The following KLRG1 variants were observed in gnomAD, a reference collection of about 807,000 sequenced individuals.
The protein encoded by KLRG1 is killer cell lectin-like receptor subfamily G member 1.
In KLRG1, 16 loss-of-function variants were observed where a neutral mutation model predicts 21.8. The observed-to-expected ratio is 0.73, with a 90% confidence interval of 0.50 to 1.11. The LOEUF (loss-of-function observed/expected upper bound fraction) is 1.11, where lower values mean the gene tolerates loss of function less well. Ranked by LOEUF, KLRG1 falls within the 50% of genes most tolerant of loss-of-function variation. The pLI is 0.00. For missense variants in KLRG1, 173 were observed against 218.3 expected (o/e 0.79, Z 1.31); for synonymous variants, 69 against 75.9 (o/e 0.91, Z 0.47).
At chr12:9,152,249 A>G in the KLRG1 span, 18 of 1,612,538 alleles carry the variant, frequency 1.1e-5, no homozygotes, top group Admixed American at 1.7e-5. Context: ...AGGGGAATAA[A>G]ACCAGATACC....
the KLRG1 span, among the ~76,000 whole-genome samples, chr12:9,026,728 G>C: frequency 6.6e-6 from 1 of 151,436 alleles, no homozygotes; most frequent in Non-Finnish European, 1.5e-5. Flanking sequence ...CACTCTTTGA[G>C]GCACATGCCA....
the KLRG1 span, chr12:9,079,984 G>C: frequency 1.1e-6 from 1 of 926,940 alleles, no homozygotes; most frequent in East Asian, 2.8e-5. Context: ...AAGAAGAAGA[G>C]AAGAAAGAAG....
At chr12:9,047,000 A>G in the KLRG1 span, among the ~76,000 whole-genome samples, 1 of 152,184 alleles carries the variant, frequency 6.6e-6, no homozygotes, top group East Asian at 1.9e-4. Context: ...AACTACAGGC[A>G]CGTGCCACCA....
chr12:9,213,081 G>A, the KLRG1 span, among the ~76,000 whole-genome samples: 3 of 152,154 alleles, frequency 2.0e-5, no homozygotes. Context: ...CCTATGTTGT[G>A]TGGCTTCTTT....
At chr12:9,175,360 T>C in the KLRG1 span, among the ~76,000 whole-genome samples, 2 of 152,136 alleles carry the variant, frequency 1.3e-5, no homozygotes, top group Admixed American at 6.5e-5. Flanking sequence ...ATAAAGACCC[T>C]TGAAGAAAAT....
the KLRG1 span, among the ~76,000 whole-genome samples, chr12:9,187,150 C>G: frequency 6.9e-6 from 1 of 145,834 alleles, no homozygotes; most frequent in African/African-American, 2.5e-5. Flanking sequence ...CCTAACTAAA[C>G]AAAATCTACA....
At chr12:9,176,577 C>A in the KLRG1 span, among the ~76,000 whole-genome samples, 1 of 152,192 alleles carries the variant, frequency 6.6e-6, no homozygotes, top group Admixed American at 6.5e-5. Context: ...AATGTCTATG[C>A]AGTGTACTTT....
At chr12:9,030,106 T>TAA in the KLRG1 span, among the ~76,000 whole-genome samples, 1 of 152,150 alleles carries the variant, frequency 6.6e-6, no homozygotes, top group African/African-American at 2.4e-5. Flanking sequence ...GATCTTTAAT[T>TAA]AATTTTTGCA....
the KLRG1 span, chr12:9,107,445 G>A: frequency 4.1e-4 from 625 of 1,537,582 alleles, 4 homozygotes; most frequent in South Asian, 6.4e-3. Context: ...CTCTTCCTGC[G>A]TCAGAAAAAT....
chr12:9,077,826 G>T, the KLRG1 span: 12 of 1,614,112 alleles, frequency 7.4e-6, no homozygotes, highest in East Asian at 1.1e-4. Flanking sequence ...GCTCGAGCTT[G>T]GGCAAAAGTC....
At chr12:9,213,812 C>T in the KLRG1 span, among the ~76,000 whole-genome samples, 1 of 151,996 alleles carries the variant, frequency 6.6e-6, no homozygotes, top group African/African-American at 2.4e-5. Flanking sequence ...CGTCCTGAGA[C>T]ACATAGAAGT....
the KLRG1 span, among the ~76,000 whole-genome samples, chr12:9,117,033 C>A: frequency 1.3e-5 from 2 of 151,996 alleles, no homozygotes; most frequent in African/African-American, 2.4e-5. Flanking sequence ...TGAGGGAAAG[C>A]AAAATGTAAA....
At chr12:9,185,814 C>CTTTTCTTTTCTTTTCTTTTCTTTTCT in the KLRG1 span, among the ~76,000 whole-genome samples, 22 of 147,300 alleles carry the variant, frequency 1.5e-4, no homozygotes, top group East Asian at 3.0e-3. Context: ...CTTTTCTTTT[C>CTTTTCTTTTCTTTTCTTTTCTTTTCT]TTTTTTTTTT....
chr12:9,062,710 TTTA>T, the KLRG1 span, among the ~76,000 whole-genome samples: 5 of 147,858 alleles, frequency 3.4e-5, no homozygotes, highest in Non-Finnish European at 7.4e-5. Context: ...TTATAATATA[TTTA>T]TTATATTTTA....
chr12:9,081,355 T>C, the KLRG1 span, among the ~76,000 whole-genome samples: 5 of 152,120 alleles, frequency 3.3e-5, no homozygotes, highest in African/African-American at 1.2e-4. Flanking sequence ...TATAACACTA[T>C]GGAAATGTAT....
chr12:8,983,451 A>C (rs1409887392), intron 1 of KLRG1, among the ~76,000 whole-genome samples: 2 of 119,980 alleles, frequency 1.7e-5, no homozygotes, highest in Non-Finnish European at 3.2e-5. Context: ...CCCAGGCTGG[A>C]GTGTAATGGT....
chr12:9,143,015 A>G, the KLRG1 span, among the ~76,000 whole-genome samples: 1 of 152,264 alleles, frequency 6.6e-6, no homozygotes, highest in Non-Finnish European at 1.5e-5. Context: ...CAGGAAAACA[A>G]GATTTATGAA....
the KLRG1 span, among the ~76,000 whole-genome samples, chr12:9,131,381 T>C: frequency 1.3e-5 from 2 of 152,220 alleles, no homozygotes; most frequent in Non-Finnish European, 2.9e-5. Context: ...CAGCTTTCCA[T>C]GTTAGTATAT....
At chr12:9,126,117 A>G in the KLRG1 span, among the ~76,000 whole-genome samples, 1 of 152,216 alleles carries the variant, frequency 6.6e-6, no homozygotes, top group Non-Finnish European at 1.5e-5. Context: ...ATATACCACA[A>G]TCATACAGGG....
Sources: allele counts gnomAD v4.1 joint callset (sites outside exome capture counted in the v4.1 genomes callset), GRCh38; gene constraint gnomAD v4.1.1; transcripts MANE v1.5; gene names NCBI Gene and HGNC (gene_info 2026-07-23, HGNC 2026-07-21).